Variants in ADORA2B observed in about 807,000 individuals in gnomAD.
ADORA2B encodes the protein adenosine A2b receptor.
A neutral mutation model predicts 20.8 loss-of-function variants in ADORA2B; 18 were observed. The ratio of observed to expected loss-of-function variants is 0.87; its 90% CI spans 0.60 to 1.29. The LOEUF (loss-of-function observed/expected upper bound fraction) is 1.29. Ranked by LOEUF, ADORA2B falls within the 50% of genes most tolerant of loss-of-function variation. The pLI, the probability that ADORA2B is intolerant of heterozygous loss-of-function variation, is 0.00. For missense variants in ADORA2B, 441 were observed against 422.7 expected (o/e 1.04, Z -0.38); for synonymous variants, 179 against 178.3 (o/e 1.00, Z -0.03).
chr17:15,909,825 A>G, the ADORA2B span, among the ~76,000 whole-genome samples: 6,139 of 152,282 alleles, frequency 0.04, 440 homozygotes, highest in African/African-American at 0.14. Flanking sequence ...GCCCTTAGGG[A>G]TGGGCAGTGA....
the ADORA2B span, among the ~76,000 whole-genome samples, chr17:15,916,888 C>T: frequency 6.6e-6 from 1 of 152,224 alleles, no homozygotes; most frequent in Non-Finnish European, 1.5e-5. Flanking sequence ...TTGCCTAAAG[C>T]AGCTCAGCTT....
At chr17:15,926,252 G>T in the ADORA2B span, among the ~76,000 whole-genome samples, 55 of 152,028 alleles carry the variant, frequency 3.6e-4, no homozygotes, top group African/African-American at 1.2e-3. Context: ...AGACAAACGG[G>T]GTTGTGCCCT....
chr17:15,969,287 A>G (rs987024913), intron 1 of ADORA2B, among the ~76,000 whole-genome samples: 4 of 151,738 alleles, frequency 2.6e-5, no homozygotes, highest in Non-Finnish European at 5.9e-5. Context: ...CATCTCTACT[A>G]AAAATACAAA....
At chr17:15,971,805 G>A (rs1013260984) in intron 1 of ADORA2B, among the ~76,000 whole-genome samples, 6 of 151,932 alleles carry the variant, frequency 3.9e-5, no homozygotes, top group Non-Finnish European at 7.4e-5. Flanking sequence ...GCTAATTTTC[G>A]TATTTTTAGG....
At chr17:15,957,122 C>A (rs1969976290) in intron 1 of ADORA2B, among the ~76,000 whole-genome samples, 1 of 152,172 alleles carries the variant, frequency 6.6e-6, no homozygotes, top group Non-Finnish European at 1.5e-5. Flanking sequence ...AGGGCAGAGG[C>A]CATGGAGATG....
chr17:15,859,916 G>C, the ADORA2B span, among the ~76,000 whole-genome samples: 1 of 152,182 alleles, frequency 6.6e-6, no homozygotes, highest in African/African-American at 2.4e-5. Flanking sequence ...ATTGTCTTAT[G>C]CCCAATTTCT....
the ADORA2B span, among the ~76,000 whole-genome samples, chr17:15,882,555 G>C: frequency 6.6e-6 from 1 of 152,052 alleles, no homozygotes; most frequent in Admixed American, 6.6e-5. Context: ...CTACTGCCTC[G>C]GTGACAGAGT....
the ADORA2B span, among the ~76,000 whole-genome samples, chr17:15,854,041 C>T: frequency 2.0e-5 from 3 of 152,310 alleles, no homozygotes; most frequent in African/African-American, 4.8e-5. Context: ...CCGCAACCTC[C>T]GCCTCCCAAG....
At chr17:15,896,943 A>T in the ADORA2B span, among the ~76,000 whole-genome samples, 1 of 152,188 alleles carries the variant, frequency 6.6e-6, no homozygotes, top group South Asian at 2.1e-4. Flanking sequence ...AACATTTTTC[A>T]GCTTCTTTAG....
intron 1 of ADORA2B, among the ~76,000 whole-genome samples, chr17:15,948,811 C>T (rs1201406312): frequency 4.6e-5 from 7 of 152,114 alleles, no homozygotes; most frequent in Non-Finnish European, 8.8e-5. Flanking sequence ...CTGTGCCTCA[C>T]GTATCTGGTC....
chr17:15,954,951 T>C (rs1969948583), intron 1 of ADORA2B, among the ~76,000 whole-genome samples: 1 of 152,208 alleles, frequency 6.6e-6, no homozygotes. Context: ...CATTTGTTTT[T>C]CCTTGGTGTT....
chr17:15,903,341 T>G, the ADORA2B span, among the ~76,000 whole-genome samples: 3 of 152,228 alleles, frequency 2.0e-5, no homozygotes, highest in East Asian at 3.8e-4. Context: ...AATATAAGAT[T>G]GAAATGGAAA....
chr17:15,862,130 T>C, the ADORA2B span, among the ~76,000 whole-genome samples: 4 of 152,022 alleles, frequency 2.6e-5, no homozygotes, highest in Non-Finnish European at 5.9e-5. Context: ...GGTCAAAACT[T>C]TCATGAAGTT....
chr17:15,880,913 G>A, the ADORA2B span, among the ~76,000 whole-genome samples: 6 of 152,334 alleles, frequency 3.9e-5, no homozygotes, highest in Admixed American at 3.3e-4. Context: ...TTGCGAAGTA[G>A]GGCATATGCT....
chr17:15,890,458 T>C, the ADORA2B span, among the ~76,000 whole-genome samples: 4 of 81,362 alleles, frequency 4.9e-5, 1 homozygote, highest in East Asian at 2.7e-4. Flanking sequence ...CTCATTCCTT[T>C]CTTTTATTTA....
At chr17:15,864,924 G>T in the ADORA2B span, among the ~76,000 whole-genome samples, 2 of 151,108 alleles carry the variant, frequency 1.3e-5, no homozygotes, top group Non-Finnish European at 2.9e-5. Flanking sequence ...AGGTAGTGGT[G>T]TGGGTTTTGT....
At chr17:15,869,941 C>T in the ADORA2B span, among the ~76,000 whole-genome samples, 1 of 152,178 alleles carries the variant, frequency 6.6e-6, no homozygotes, top group East Asian at 1.9e-4. Context: ...CATTTTATAT[C>T]ATCAAAGCTT....
chr17:15,850,920 A>G, the ADORA2B span, among the ~76,000 whole-genome samples: 7 of 152,226 alleles, frequency 4.6e-5, no homozygotes. Flanking sequence ...TTTGTCGGTA[A>G]CAGGGAGTGA....
chr17:15,915,160 C>T, the ADORA2B span, among the ~76,000 whole-genome samples: 1 of 152,234 alleles, frequency 6.6e-6, no homozygotes, highest in Non-Finnish European at 1.5e-5. Flanking sequence ...TTCCCAGCCT[C>T]CAGGGGCCTC....
Sources: gnomAD v4.1 joint callset for allele counts (sites outside exome capture counted in the v4.1 genomes callset) on GRCh38, gnomAD v4.1.1 for gene constraint, MANE v1.5 for transcripts, NCBI Gene and HGNC (gene_info 2026-07-23, HGNC 2026-07-21) for gene names.